The following CD2 variants were observed in gnomAD, a reference collection of about 807,000 sequenced individuals.
CD2 encodes the protein CD2 molecule.
Under a neutral mutation model 23.2 loss-of-function variants are expected in CD2, and 18 were observed. The observed-to-expected ratio is 0.77, with a 90% CI of 0.54 to 1.15. The LOEUF (loss-of-function observed/expected upper bound fraction) is 1.15, where lower values mean the gene tolerates loss of function less well. CD2 is among the 50% of genes most tolerant of loss of function. The probability of loss-of-function intolerance (pLI) is 0.00; values close to 1 mark genes in which losing one functional copy is unlikely to be tolerated. For missense variants in CD2, 424 were observed against 423.1 expected, an observed-to-expected ratio of 1.00 and a Z score of -0.02; for synonymous variants, 162 against 151.9, an observed-to-expected ratio of 1.07 and a Z score of -0.49.
Position 116,754,464 on chromosome 1 carries a change from A to G in CD2, c.-29A>G. The G allele has an allele frequency of 1.2e-6, 2 of 1,604,020 alleles. No individual in the cohort carries two copies. The highest frequency in any genetic ancestry group is 8.5e-7 in the Non-Finnish European group (1 of 1,172,824). ...TCAGTTCCTTTTGCATGAAGAGCTC[A>G]GAATCAAAAGAGGAAACCAACCCCT... On this transcript the variant is annotated 5_prime_UTR_variant, in exon 1 of 5. Transcript: ENST00000369478.
At chr1:116,763,014 TC>T (rs1652105068) in intron 3 of CD2, among the ~76,000 whole-genome samples, 1 of 152,250 alleles carries the variant, frequency 6.6e-6, no homozygotes, top group Non-Finnish European at 1.5e-5. Flanking sequence ...CCACCCCGGG[TC>T]AAATCTGAAA....
chr1:116,758,829 C>A (rs1362867221), intron 2 of CD2, among the ~76,000 whole-genome samples: 1 of 152,220 alleles, frequency 6.6e-6, no homozygotes, highest in South Asian at 2.1e-4. Context: ...GTTATTATCT[C>A]CTTGTTATAT....
chr1:116,764,326 G>C lies in CD2; in HGVS notation c.614-158G>C, dbSNP rs1321177009. ...AAGGACCTTGGGTCCTTCCAGGGTTGACACCACTCACCACCCTCTGTGAGC... is the reference window on the plus strand; with the variant it reads ...AAGGACCTTGGGTCCTTCCAGGGTTCACACCACTCACCACCCTCTGTGAGC... On this transcript the variant is annotated intron_variant, in intron 3 of 4. Transcript: ENST00000369478. 4.0e-6 allele frequency: 3 copies of C among 750,796 alleles called. No homozygotes were observed. The African/African-American group carries it at 5.7e-5, about 14-fold the overall frequency. The allele number at this position is 750,796 out of a possible 1,614,324, so 46.5% of individuals were successfully genotyped here.
chr1:116,768,172 A>G (rs1652272729), intron 4 of CD2, among the ~76,000 whole-genome samples: 1 of 152,176 alleles, frequency 6.6e-6, no homozygotes, highest in African/African-American at 2.4e-5. Flanking sequence ...GTAGGGTTCC[A>G]GGTCTGCGTG....
intron 2 of CD2, among the ~76,000 whole-genome samples, chr1:116,759,914 G>T (rs989549872): frequency 3.3e-5 from 5 of 152,198 alleles, no homozygotes; most frequent in African/African-American, 1.2e-4. Flanking sequence ...TGTCAATGTG[G>T]TGATTCCTCC....
rs1488832370 is a variant in CD2, at chr1:116,760,635, G to A, written c.613+3G>A. On this transcript the variant is annotated splice_donor_region_variant and intron_variant, in intron 3 of 4. Coordinates refer to ENST00000369478, the MANE Select transcript of CD2 (RefSeq NM_001767.5). Reference sequence around the variant, plus strand: ...TGTCGAGCCTGTCAGCTGTCCAGGTGCGTGGCGGGCATCACTTCACAAACA... The same window carrying A: ...TGTCGAGCCTGTCAGCTGTCCAGGTACGTGGCGGGCATCACTTCACAAACA... 6.2e-7 allele frequency: 1 copy of A among 1,612,188 alleles called. No homozygotes were observed. Among genetic ancestry groups the A allele is most frequent in the South Asian group, 1.1e-5 (1 of 91,002 alleles).
chr1:116,755,125 A>G (rs189616344), intron 2 of CD2, 174 bp downstream of exon 2: 1 of 610,188 alleles, frequency 1.6e-6, no homozygotes, highest in Admixed American at 3.2e-5. Flanking sequence ...CGGGAATGGG[A>G]TCCACACATC....
intron 2 of CD2, among the ~76,000 whole-genome samples, chr1:116,759,134 A>G (rs541611374): frequency 6.6e-6 from 1 of 152,300 alleles, no homozygotes; most frequent in South Asian, 2.1e-4. Context: ...TCGTGACCCA[A>G]CCTCTAGACT....
At chr1:116,764,632 C>T (rs368682126) in intron 4 of CD2, 26 bp downstream of exon 4, 134 of 1,583,760 alleles carry the variant, frequency 8.5e-5, no homozygotes, top group Middle Eastern at 6.8e-4. Context: ...TTTGTCCCAC[C>T]GCAGGCCCCA....
chr1:116,756,731 C>T (rs1273104269), intron 2 of CD2, among the ~76,000 whole-genome samples: 2 of 152,186 alleles, frequency 1.3e-5, no homozygotes, highest in African/African-American at 2.4e-5. Flanking sequence ...AGCCGAAAGA[C>T]AGTGACTTGC....
chr1:116,766,305 G>A (rs766066131), intron 4 of CD2, among the ~76,000 whole-genome samples: 25 of 152,338 alleles, frequency 1.6e-4, no homozygotes, highest in Middle Eastern at 3.4e-3. Flanking sequence ...GCACAGAGCC[G>A]TAGCCAACCT....
At chr1:116,762,179 A>G (rs1652075848) in intron 3 of CD2, among the ~76,000 whole-genome samples, 1 of 152,226 alleles carries the variant, frequency 6.6e-6, no homozygotes, top group African/African-American at 2.4e-5. Flanking sequence ...AAAATACAGC[A>G]TAAGTACGTT....
intron 3 of CD2, among the ~76,000 whole-genome samples, chr1:116,761,658 A>G (rs143147259): frequency 7.2e-5 from 11 of 152,292 alleles, no homozygotes; most frequent in Admixed American, 3.9e-4. Flanking sequence ...CCCACATTCA[A>G]TCAGAGGGGA....
intron 3 of CD2, among the ~76,000 whole-genome samples, chr1:116,761,841 C>A (rs927346398): frequency 2.0e-5 from 3 of 152,042 alleles, no homozygotes; most frequent in Non-Finnish European, 4.4e-5. Context: ...GACTTCGCAA[C>A]TTTTTTTGAG....
Position 116,768,708 on chromosome 1 carries a change from C to A in CD2, c.981C>A (p.Pro327=). 6.2e-7 allele frequency: 1 copy of A among 1,614,166 alleles called. No homozygotes were observed. The highest frequency in any genetic ancestry group is 8.5e-7 in the Non-Finnish European group (1 of 1,180,040). Residue 327 remains proline, a synonymous_variant, in exon 5 of 5, where the codon CCC becomes CCA. Transcript: ENST00000369478. ...AAGTTCACCAGCAGAAAGGCCCGCC[C>A]CTCCCCAGACCTCGAGTTCAGCCAA... The part of the protein sequence containing the change: ...GTQVHQQKGP[P]LPRPRVQPKP...
Position 116,769,010 on chromosome 1 carries a change from A to G in CD2, c.*227A>G. ...CACACCAGTAAGGAGAAGCAATATA[A>G]GTGTGATTGCAAGAATGGTAGAGGA... is the stretch of plus-strand genomic sequence containing the variant. On this transcript the variant is annotated 3_prime_UTR_variant, in exon 5 of 5. Coordinates refer to ENST00000369478, the MANE Select transcript of CD2 (RefSeq NM_001767.5). The G allele has an allele frequency of 1.9e-6, 1 of 536,654 alleles. No homozygotes were observed. Among genetic ancestry groups the G allele is most frequent in the Non-Finnish European group, 3.3e-6 (1 of 304,270 alleles). The allele number at this position is 536,654 out of a possible 1,614,324, so 33.2% of individuals were successfully genotyped here.
intron 2 of CD2, among the ~76,000 whole-genome samples, chr1:116,757,957 A>T (rs1443595380): frequency 6.6e-6 from 1 of 151,726 alleles, no homozygotes; most frequent in Non-Finnish European, 1.5e-5. Flanking sequence ...TTTAGTAGAG[A>T]TGTATTTCAC....
intron 2 of CD2, among the ~76,000 whole-genome samples, chr1:116,757,899 A>C (rs1651912141): frequency 6.6e-6 from 1 of 151,740 alleles, no homozygotes; most frequent in South Asian, 2.1e-4. Flanking sequence ...CCTCCTGAGT[A>C]GTTTGGATTA....
chr1:116,755,009 G>C, intron 2 of CD2, 58 bp downstream of exon 2: 1 of 1,207,082 alleles, frequency 8.3e-7, no homozygotes, highest in Non-Finnish European at 1.2e-6. Context: ...TGGCAAGTTG[G>C]AAAATAGCAT....
Sources: gnomAD v4.1 joint callset for allele counts (sites outside exome capture counted in the v4.1 genomes callset) on GRCh38, gnomAD v4.1.1 for gene constraint, MANE v1.5 for transcripts, NCBI Gene and HGNC (gene_info 2026-07-23, HGNC 2026-07-21) for gene names.